The following LNX1 variants were observed in gnomAD, a reference collection of about 807,000 sequenced individuals.
The protein encoded by LNX1 is ligand of numb-protein X 1.
Under a neutral mutation model 68.4 loss-of-function variants are expected in LNX1, and 54 were observed. The ratio of observed to expected loss-of-function variants is 0.79; its 90% CI spans 0.63 to 0.99. LNX1 has a LOEUF of 0.99. Among genes scored for constraint, LNX1 ranks in the 50% least tolerant of loss-of-function variants. LNX1 has a pLI of 0.00. For synonymous variants in LNX1, 336 were observed against 350.0 expected (o/e 0.96, Z 0.45); for missense variants, 906 against 926.4 (o/e 0.98, Z 0.29).
rs568066758 is a variant in LNX1, at chr4:53,496,416, G to T, written c.979-22C>A. ...TGACCTGGGGGCAGGTGGAACAATC[G>T]TGCGGTCAGCTCCACCTGCCACAAC... On this transcript the variant is annotated intron_variant, in intron 5 of 10. Transcript: ENST00000263925. 7.1e-6 allele frequency: 11 copies of T among 1,555,566 alleles called. No homozygotes were observed. The Admixed American group carries it at 8.8e-5, about 12-fold the overall frequency.
intron 9 of LNX1, among the ~76,000 whole-genome samples, chr4:53,473,817 G>A (rs116211287): frequency 0.018 from 2,680 of 152,058 alleles, 84 homozygotes; most frequent in African/African-American, 0.061. Context: ...AAAGTTAAAA[G>A]CCAAGAAAGC....
chr4:53,531,100 A>T (rs1333006716), intron 2 of LNX1, among the ~76,000 whole-genome samples: 1 of 152,166 alleles, frequency 6.6e-6, no homozygotes, highest in Non-Finnish European at 1.5e-5. Flanking sequence ...GGGGAGGCAG[A>T]GGTTTCAGTG....
intron 2 of LNX1, among the ~76,000 whole-genome samples, chr4:53,521,624 C>T (rs1727227565): frequency 6.6e-6 from 1 of 152,170 alleles, no homozygotes; most frequent in South Asian, 2.1e-4. Context: ...CTCTTCCCTC[C>T]CAATATATTT....
chr4:53,573,144 G>A (rs940039605), intron 2 of LNX1, among the ~76,000 whole-genome samples: 1 of 152,154 alleles, frequency 6.6e-6, no homozygotes, highest in Non-Finnish European at 1.5e-5. Flanking sequence ...GTCGCAAAAG[G>A]ACAAATACTG....
intron 9 of LNX1, among the ~76,000 whole-genome samples, chr4:53,463,776 TTAA>T (rs750699197): frequency 1.1e-4 from 17 of 152,016 alleles, no homozygotes; most frequent in Non-Finnish European, 1.6e-4. Flanking sequence ...CTGAAATGAG[TTAA>T]TAAGTATGCT....
chr4:53,598,968 T>A (rs1211164928), intron 2 of LNX1, among the ~76,000 whole-genome samples: 3 of 152,158 alleles, frequency 2.0e-5, no homozygotes, highest in African/African-American at 2.4e-5. Flanking sequence ...ACAATTAAAG[T>A]GTAAGGTAGA....
chr4:53,504,164 G>A (rs1427131905), intron 4 of LNX1, among the ~76,000 whole-genome samples: 1 of 152,200 alleles, frequency 6.6e-6, no homozygotes, highest in East Asian at 1.9e-4. Context: ...TCTGCTTAGT[G>A]GAGCCACCTT....
intron 2 of LNX1, among the ~76,000 whole-genome samples, chr4:53,509,437 C>A (rs1471414676): frequency 6.6e-6 from 1 of 152,132 alleles, no homozygotes; most frequent in Non-Finnish European, 1.5e-5. Flanking sequence ...TTTTACTGCC[C>A]ATAGAATCAT....
upstream of LNX1, among the ~76,000 whole-genome samples, chr4:53,620,200 CCTAT>C (rs1423398846): frequency 1.3e-5 from 2 of 152,152 alleles, no homozygotes; most frequent in Admixed American, 1.3e-4. Context: ...TATCTATCTA[CCTAT>C]CTATCTATCT....
At chr4:53,561,888 A>G (rs1427986122) in intron 2 of LNX1, among the ~76,000 whole-genome samples, 1 of 152,158 alleles carries the variant, frequency 6.6e-6, no homozygotes. Context: ...ACATACACCT[A>G]TGTAACAAAC....
intron 2 of LNX1, among the ~76,000 whole-genome samples, chr4:53,514,499 G>GA (rs1311329029): frequency 1.3e-5 from 2 of 151,610 alleles, no homozygotes; most frequent in Admixed American, 1.3e-4. Context: ...GGCTTGTGTG[G>GA]GGAACTCTCC....
intron 9 of LNX1, among the ~76,000 whole-genome samples, chr4:53,470,558 T>A (rs1723084375): frequency 6.6e-6 from 1 of 152,240 alleles, no homozygotes; most frequent in East Asian, 1.9e-4. Flanking sequence ...TTGTCCCTGT[T>A]TGCAGATGAC....
At chr4:53,481,933 A>C (rs1415157193) in intron 6 of LNX1, 79 bp from the exon 7 acceptor site, 1 of 1,432,412 alleles carries the variant, frequency 7.0e-7, no homozygotes, top group Non-Finnish European at 9.3e-7. Flanking sequence ...CAAAAACATC[A>C]CTTTGATTAT....
chr4:53,552,306 A>G (rs554748472), intron 2 of LNX1, among the ~76,000 whole-genome samples: 4 of 152,324 alleles, frequency 2.6e-5, no homozygotes, highest in African/African-American at 9.6e-5. Flanking sequence ...GCTCACTCAG[A>G]CTTTGTACCA....
At chr4:53,518,159 C>T (rs1360708013) in intron 2 of LNX1, among the ~76,000 whole-genome samples, 5 of 152,172 alleles carry the variant, frequency 3.3e-5, no homozygotes, top group Admixed American at 6.5e-5. Context: ...TGTCAGGGTG[C>T]GGCCAGGAGA....
chr4:53,512,431 C>A (rs150494500), intron 2 of LNX1, among the ~76,000 whole-genome samples: 1 of 152,000 alleles, frequency 6.6e-6, no homozygotes, highest in African/African-American at 2.4e-5. Context: ...TCTCAGTCCT[C>A]TAGAATGCAA....
intron 2 of LNX1, 76 bp from the exon 3 acceptor site, chr4:53,508,303 C>T: frequency 6.5e-7 from 1 of 1,531,718 alleles, no homozygotes; most frequent in South Asian, 1.2e-5. Context: ...TCTTCAAATA[C>T]AATTGAAGAA....
intron 1 of LNX1, among the ~76,000 whole-genome samples, chr4:53,582,471 G>A (rs144380065): frequency 6.6e-6 from 1 of 152,326 alleles, no homozygotes; most frequent in Non-Finnish European, 1.5e-5. Flanking sequence ...GTAATAAAGA[G>A]TTCTCTCCAG....
At chr4:53,635,092 A>T in intron 1 of LNX1, among the ~76,000 whole-genome samples, 1 of 152,180 alleles carries the variant, frequency 6.6e-6, no homozygotes. Context: ...AGTCTTCCAA[A>T]GTGCTGGAAT....
Sources: allele counts gnomAD v4.1 joint callset (sites outside exome capture counted in the v4.1 genomes callset), GRCh38; gene constraint gnomAD v4.1.1; transcripts MANE v1.5; gene names NCBI Gene and HGNC (gene_info 2026-07-23, HGNC 2026-07-21).